Variants in ELP4 observed in about 807,000 individuals in gnomAD.
The protein encoded by ELP4 is elongator complex protein 4.
In ELP4, 51 loss-of-function variants were observed where a neutral mutation model predicts 48.9. That is an observed-to-expected ratio of 1.04 (90% confidence interval 0.83 to 1.32). The LOEUF is 1.32. Among genes scored for constraint, ELP4 ranks in the 40% most tolerant of loss-of-function variants. The pLI is 0.00. For synonymous variants in ELP4, 210 were observed against 189.2 expected, an observed-to-expected ratio of 1.11 and a Z score of -0.90; for missense variants, 519 against 514.6, an observed-to-expected ratio of 1.01 and a Z score of -0.08.
intron 9 of ELP4, among the ~76,000 whole-genome samples, chr11:31,718,513 A>G (rs1946887734): frequency 6.6e-6 from 1 of 152,214 alleles, no homozygotes; most frequent in Non-Finnish European, 1.5e-5. Context: ...TGTTGGATGC[A>G]CTATTCCATG....
Position 31,721,058 on chromosome 11 carries a change from A to G in ELP4, c.1144-62335A>G, listed in dbSNP as rs190646686. 1.6e-4 allele frequency among the ~76,000 whole-genome samples: 24 copies of G among 152,352 alleles called. No individual in the cohort carries two copies. In the East Asian group the frequency reaches 4.6e-3, roughly 29 times the overall value. On this transcript the variant is annotated intron_variant, in intron 9 of 9. Coordinates refer to ENST00000640961, the MANE Select transcript of ELP4 (RefSeq NM_019040.5). ...CTTGGATTCTTATTTGAAACTTGGC[A>G]GCTTTGGAAGCTGTCTTATATTTTG...
At chr11:31,711,103 C>G (rs1191642057) in intron 9 of ELP4, among the ~76,000 whole-genome samples, 1 of 152,176 alleles carries the variant, frequency 6.6e-6, no homozygotes, top group East Asian at 1.9e-4. Flanking sequence ...CTGTTACACT[C>G]TAACTGAAAG....
At chr11:31,545,253 G>T (rs1956678743) in intron 3 of ELP4, among the ~76,000 whole-genome samples, 1 of 152,184 alleles carries the variant, frequency 6.6e-6, no homozygotes, top group Non-Finnish European at 1.5e-5. Context: ...TGAGACGAAT[G>T]TATAACTAGA....
At chr11:31,731,528 T>A (rs1436978437) in intron 9 of ELP4, among the ~76,000 whole-genome samples, 1 of 147,934 alleles carries the variant, frequency 6.8e-6, no homozygotes, top group Non-Finnish European at 1.5e-5. Context: ...AAAAAAAGAA[T>A]GAAGAAAACC....
chr11:31,749,856 A>ATTTTT (rs1365172448), intron 9 of ELP4, among the ~76,000 whole-genome samples: 1 of 140,240 alleles, frequency 7.1e-6, no homozygotes, highest in Non-Finnish European at 1.6e-5. Flanking sequence ...CCTTTATGAC[A>ATTTTT]TTTTTTTTTT....
intron 9 of ELP4, chr11:31,654,859 A>G (rs1420686985): frequency 2.0e-5 from 3 of 151,892 alleles, no homozygotes; most frequent in African/African-American, 7.2e-5. Flanking sequence ...TCAACTCACA[A>G]TTATGTTACT....
rs576150243 is a variant in ELP4, at chr11:31,650,247, T to C, written c.1143+26T>C. ...GTAAGAGAATTTTTATGTTTTAGTT[T>C]ACAATCTTGAGATAAACTTATTTTT... On this transcript the variant is annotated intron_variant, in intron 9 of 9. Transcript: ENST00000640961. 8.3e-5 allele frequency: 63 copies of C among 761,468 alleles called. No homozygotes were observed. In the South Asian group the frequency reaches 1.1e-3, roughly 13 times the overall value. The allele number at this position is 761,468 out of a possible 1,614,324, so 47.2% of individuals were successfully genotyped here. A position where few individuals can be genotyped will look rare whatever the true frequency, so the allele number is the denominator to read the frequency against.
At chr11:31,636,618 A>G (rs1325328659) in intron 7 of ELP4, among the ~76,000 whole-genome samples, 1 of 151,994 alleles carries the variant, frequency 6.6e-6, no homozygotes, top group Non-Finnish European at 1.5e-5. Context: ...AAATAATGAC[A>G]TAGATTCAAA....
intron 3 of ELP4, among the ~76,000 whole-genome samples, chr11:31,569,104 A>T (rs995632088): frequency 1.3e-5 from 2 of 151,980 alleles, no homozygotes; most frequent in Non-Finnish European, 2.9e-5. Flanking sequence ...AATAAAAAAA[A>T]GGAAAGAAAA....
chr11:31,657,858 T>A lies in ELP4; in HGVS notation c.1143+7637T>A, dbSNP rs560102758. The stretch of plus-strand genomic sequence containing the variant: ...AAACTCTGTTAATTATTATTAATTT[T>A]AAAAAAAATAAGTTTTATTACATGT... On this transcript the variant is annotated intron_variant, in intron 9 of 9. Transcript: ENST00000640961. Among the ~76,000 whole-genome samples the A allele has an allele frequency of 7.2e-3, 1,098 of 151,830 alleles. 13 individuals are homozygous for A. Among genetic ancestry groups the A allele is most frequent in the African/African-American group, 0.024 (978 of 41,436 alleles).
At chr11:31,710,894 T>C (rs937841812) in intron 9 of ELP4, among the ~76,000 whole-genome samples, 1 of 152,158 alleles carries the variant, frequency 6.6e-6, no homozygotes, top group Non-Finnish European at 1.5e-5. Context: ...CCCGTGACTT[T>C]AGGCTGTTGG....
intron 9 of ELP4, among the ~76,000 whole-genome samples, chr11:31,712,060 A>G (rs901540347): frequency 1.3e-5 from 2 of 151,962 alleles, no homozygotes; most frequent in Admixed American, 6.6e-5. Flanking sequence ...GATGGGCTTG[A>G]TTTTGCAAAG....
chr11:31,616,400 C>A (rs1944484613), intron 5 of ELP4, among the ~76,000 whole-genome samples: 1 of 151,900 alleles, frequency 6.6e-6, no homozygotes, highest in South Asian at 2.1e-4. Flanking sequence ...AAGATAGATC[C>A]CTGTCTTACA....
chr11:31,627,067 T>G (rs376556600), intron 5 of ELP4, 43 bp from the exon 6 acceptor site: 30 of 1,092,442 alleles, frequency 2.7e-5, no homozygotes, highest in Non-Finnish European at 4.1e-5. Flanking sequence ...ACTTCTTATG[T>G]AATAACCCAT....
At chr11:31,688,632 G>T (rs1028040701) in intron 9 of ELP4, among the ~76,000 whole-genome samples, 1 of 152,162 alleles carries the variant, frequency 6.6e-6, no homozygotes, top group Non-Finnish European at 1.5e-5. Context: ...AATCTATACA[G>T]CACATTGCTA....
intron 7 of ELP4, among the ~76,000 whole-genome samples, chr11:31,636,512 T>C (rs933623341): frequency 6.6e-6 from 1 of 151,972 alleles, no homozygotes; most frequent in African/African-American, 2.4e-5. Context: ...TACCCTTTAT[T>C]GTACTTTTGG....
chr11:31,770,731 C>G (rs1948124448), intron 9 of ELP4, among the ~76,000 whole-genome samples: 1 of 150,692 alleles, frequency 6.6e-6, no homozygotes, highest in Non-Finnish European at 1.5e-5. Context: ...GCCTGGGCAA[C>G]ATAGTAAGAC....
chr11:31,748,643 A>C (rs570762915), intron 9 of ELP4, among the ~76,000 whole-genome samples: 1 of 152,224 alleles, frequency 6.6e-6, no homozygotes, highest in South Asian at 2.1e-4. Context: ...CATATATCTG[A>C]CTGTCTCTTC....
intron 9 of ELP4, among the ~76,000 whole-genome samples, chr11:31,659,430 A>C (rs1408588314): frequency 6.6e-6 from 1 of 152,154 alleles, no homozygotes; most frequent in East Asian, 1.9e-4. Context: ...AATGAAACTG[A>C]GTATTTGGCT....
Sources: allele counts gnomAD v4.1 joint callset (sites outside exome capture counted in the v4.1 genomes callset), GRCh38; gene constraint gnomAD v4.1.1; transcripts MANE v1.5; gene names NCBI Gene and HGNC (gene_info 2026-07-23, HGNC 2026-07-21).